Variants in RBFOX1 observed in about 807,000 individuals in gnomAD.
The protein encoded by RBFOX1 is RNA binding fox-1 homolog 1.
A neutral mutation model predicts 57.7 loss-of-function variants in RBFOX1; 8 were observed. The observed-to-expected ratio is 0.14, with a 90% CI of 0.08 to 0.25. The LOEUF (loss-of-function observed/expected upper bound fraction) is 0.25. Among genes scored for constraint, RBFOX1 ranks in the 10% least tolerant of loss-of-function variants. RBFOX1 has a pLI of 1.00. For synonymous variants in RBFOX1, 326 were observed against 222.4 expected (o/e 1.47, Z -4.15); for missense variants, 611 against 548.5 (o/e 1.11, Z -1.14).
At chr16:5,530,823 C>T (rs1370945787) in intron 2 of RBFOX1, among the ~76,000 whole-genome samples, 1 of 150,996 alleles carries the variant, frequency 6.6e-6, no homozygotes, top group Non-Finnish European at 1.5e-5. Flanking sequence ...CGTGGTGGCT[C>T]ACGCCTGTAA....
chr16:7,242,588 C>CT (rs942013927), intron 4 of RBFOX1, among the ~76,000 whole-genome samples: 2 of 152,196 alleles, frequency 1.3e-5, no homozygotes, highest in Non-Finnish European at 1.5e-5. Flanking sequence ...TCGCCATTGG[C>CT]TGAGAGTAAG....
intron 3 of RBFOX1, among the ~76,000 whole-genome samples, chr16:6,960,973 C>CAAAA (rs1168858782): frequency 5.5e-5 from 2 of 36,152 alleles, no homozygotes; most frequent in African/African-American, 8.5e-5. Context: ...ACTGAAAATA[C>CAAAA]AAAAAAAAAA....
chr16:6,489,232 C>G (rs1440475520), intron 2 of RBFOX1, among the ~76,000 whole-genome samples: 3 of 152,160 alleles, frequency 2.0e-5, no homozygotes, highest in Non-Finnish European at 4.4e-5. Context: ...AAGAGCAATT[C>G]TAACAACCTT....
At chr16:7,123,037 G>T (rs2067555243) in intron 4 of RBFOX1, among the ~76,000 whole-genome samples, 1 of 151,986 alleles carries the variant, frequency 6.6e-6, no homozygotes, top group Non-Finnish European at 1.5e-5. Context: ...GGCTGCCAGG[G>T]ATTAGGGGTT....
At chr16:6,058,492 C>T (rs1206389654) in intron 1 of RBFOX1, among the ~76,000 whole-genome samples, 1 of 152,198 alleles carries the variant, frequency 6.6e-6, no homozygotes, top group Non-Finnish European at 1.5e-5. Context: ...TTATAACATT[C>T]TTGATGACAT....
intron 2 of RBFOX1, among the ~76,000 whole-genome samples, chr16:6,548,903 C>G (rs2096931998): frequency 6.6e-6 from 1 of 151,622 alleles, no homozygotes; most frequent in South Asian, 2.1e-4. Flanking sequence ...TGGCGAAACC[C>G]CATCTCTACT....
At chr16:5,428,238 T>G (rs530055144) in intron 1 of RBFOX1, among the ~76,000 whole-genome samples, 1 of 152,242 alleles carries the variant, frequency 6.6e-6, no homozygotes, top group African/African-American at 2.4e-5. Flanking sequence ...CAGGCAAACC[T>G]TGAGAAGCCA....
At chr16:5,988,280 C>T (rs564225822) in intron 4 of RBFOX1, among the ~76,000 whole-genome samples, 51 of 152,186 alleles carry the variant, frequency 3.4e-4, no homozygotes, top group African/African-American at 1.2e-3. Flanking sequence ...TGTAATTGAA[C>T]ATAATTAAAA....
intron 3 of RBFOX1, among the ~76,000 whole-genome samples, chr16:7,047,447 C>G (rs1315179099): frequency 1.3e-5 from 2 of 152,104 alleles, no homozygotes; most frequent in Non-Finnish European, 2.9e-5. Flanking sequence ...TGGGCCCTTA[C>G]AAGCATTGCA....
intron 5 of RBFOX1, chr16:7,519,830 C>G (rs1177075525): frequency 3.1e-6 from 2 of 636,172 alleles, no homozygotes; most frequent in Non-Finnish European, 3.9e-6. Context: ...CACTGACTAA[C>G]TTTGCTACTT....
intron 4 of RBFOX1, among the ~76,000 whole-genome samples, chr16:7,475,240 C>G (rs561922383): frequency 6.6e-6 from 1 of 151,004 alleles, no homozygotes; most frequent in African/African-American, 2.4e-5. Context: ...GTGTGTAGTT[C>G]TGTTTTCAAC....
At chr16:6,400,359 T>G (rs547233680) in intron 2 of RBFOX1, among the ~76,000 whole-genome samples, 2 of 152,292 alleles carry the variant, frequency 1.3e-5, no homozygotes, top group African/African-American at 4.8e-5. Context: ...ACTCTCACAT[T>G]AATGCAGATA....
chr16:6,450,362 A>C (rs572080401), intron 2 of RBFOX1, among the ~76,000 whole-genome samples: 1 of 152,140 alleles, frequency 6.6e-6, no homozygotes, highest in South Asian at 2.1e-4. Flanking sequence ...TGCTTGTTAC[A>C]TGATAAAACC....
chr16:6,900,585 C>G (rs552390664), intron 3 of RBFOX1, among the ~76,000 whole-genome samples: 1 of 152,264 alleles, frequency 6.6e-6, no homozygotes, highest in Non-Finnish European at 1.5e-5. Flanking sequence ...TTAGTCTTTT[C>G]CAGTTTTAGC....
chr16:6,057,153 G>C (rs902194558), intron 1 of RBFOX1: 4 of 152,134 alleles, frequency 2.6e-5, no homozygotes, highest in African/African-American at 9.7e-5. Flanking sequence ...AGTTATGATG[G>C]ATTGTGTTAG....
At chr16:7,429,297 G>C (rs2098655577) in intron 4 of RBFOX1, among the ~76,000 whole-genome samples, 1 of 152,158 alleles carries the variant, frequency 6.6e-6, no homozygotes, top group Non-Finnish European at 1.5e-5. Flanking sequence ...GAAGCACTCA[G>C]GGATCTCAAG....
chr16:6,506,624 A>ATTTTTTTTTTTTTTTTTTTTTT (rs71145238), intron 2 of RBFOX1, among the ~76,000 whole-genome samples: 1 of 98,460 alleles, frequency 1.0e-5, no homozygotes, highest in African/African-American at 4.4e-5. Context: ...ACAGTAGCTA[A>ATTTTTTTTTTTTTTTTTTTTTT]TTTTTTTTTT....
At chr16:5,924,661 C>G (rs1483028306) in intron 4 of RBFOX1, among the ~76,000 whole-genome samples, 1 of 152,164 alleles carries the variant, frequency 6.6e-6, no homozygotes, top group Non-Finnish European at 1.5e-5. Flanking sequence ...GAACCATGAG[C>G]TAAATAAACT....
intron 4 of RBFOX1, among the ~76,000 whole-genome samples, chr16:7,138,820 T>C (rs1341925237): frequency 6.6e-6 from 1 of 152,164 alleles, no homozygotes; most frequent in Non-Finnish European, 1.5e-5. Flanking sequence ...ACTCAGACTT[T>C]TTTTATAAGA....
Sources: allele counts gnomAD v4.1 joint callset (sites outside exome capture counted in the v4.1 genomes callset), GRCh38; gene constraint gnomAD v4.1.1; transcripts MANE v1.5; gene names NCBI Gene and HGNC (gene_info 2026-07-23, HGNC 2026-07-21).